LAMC3: variants seen among roughly 807,000 people sequenced by gnomAD.
The protein encoded by LAMC3 is laminin subunit gamma-3.
A neutral mutation model predicts 173.8 loss-of-function variants in LAMC3; 128 were observed. The observed-to-expected ratio is 0.74, with a 90% CI of 0.64 to 0.85. The LOEUF is 0.85. Among genes scored for constraint, LAMC3 ranks in the 40% least tolerant of loss-of-function variants. LAMC3 has a pLI of 0.00. For missense variants in LAMC3, 2,022 were observed against 2,156.0 expected (o/e 0.94, Z 1.23); for synonymous variants, 897 against 909.1 (o/e 0.99, Z 0.24).
chr9:131,032,969 C>T (rs1388622398), intron 3 of LAMC3, among the ~76,000 whole-genome samples: 1 of 152,224 alleles, frequency 6.6e-6, no homozygotes, highest in African/African-American at 2.4e-5. Flanking sequence ...CCCCCTTCCC[C>T]TTTCTAGTAT....
intron 12 of LAMC3, among the ~76,000 whole-genome samples, chr9:131,057,721 TC>T: frequency 6.6e-6 from 1 of 152,332 alleles, no homozygotes; most frequent in East Asian, 1.9e-4. Flanking sequence ...TGCTTCTGTT[TC>T]TACACAAAGC....
chr9:131,028,493 C>T (rs1471760514), intron 2 of LAMC3, among the ~76,000 whole-genome samples: 2 of 152,320 alleles, frequency 1.3e-5, no homozygotes, highest in East Asian at 3.9e-4. Context: ...AAAGAAGTTG[C>T]GTTCTGTCAG....
intron 25 of LAMC3, chr9:131,085,997 G>T: frequency 1.9e-6 from 1 of 529,430 alleles, no homozygotes; most frequent in Non-Finnish European, 3.4e-6. Context: ...TGGCTTTCCT[G>T]CCTAAACTTC....
chr9:131,076,817 G>A (rs1001274640), intron 21 of LAMC3, among the ~76,000 whole-genome samples: 3 of 152,188 alleles, frequency 2.0e-5, no homozygotes, highest in Non-Finnish European at 4.4e-5. Context: ...GGCCGAGCCA[G>A]GACCAGGACC....
intron 15 of LAMC3, 70 bp downstream of exon 15, chr9:131,068,301 A>G: frequency 6.6e-7 from 1 of 1,514,244 alleles, no homozygotes; most frequent in Non-Finnish European, 9.0e-7. Flanking sequence ...GGCAGCCCCC[A>G]GGGAGGGGCC....
Position 131,031,002 on chromosome 9 carries a change from A to G in LAMC3, c.679-1043A>G, listed in dbSNP as rs143803049. On this transcript the variant is annotated intron_variant, in intron 2 of 27. Transcript: ENST00000361069. ...CTCAAGCACAAGCTTAGCTTGGTGC[A>G]GAGGCTCCCACTTTAGTGTTTGGGT... 4.3e-4 allele frequency among the ~76,000 whole-genome samples: 65 copies of G among 152,362 alleles called. 1 individual carries two copies. Among genetic ancestry groups the G allele is most frequent in the African/African-American group, 1.5e-3 (61 of 41,594 alleles).
Position 131,092,065 on chromosome 9 carries a change from G to A in LAMC3, c.*278G>A, listed in dbSNP as rs551479114. On this transcript the variant is annotated 3_prime_UTR_variant, in exon 28 of 28. Transcript: ENST00000361069. ...ACCCCAGTGTCAATAACATACACACGTGAGGGTGCATGTCTGTGTGTATGA... is the reference window on the plus strand; with the variant it reads ...ACCCCAGTGTCAATAACATACACACATGAGGGTGCATGTCTGTGTGTATGA... The A allele has an allele frequency of 5.8e-6, 3 of 521,606 alleles. No individual in the cohort carries two copies. Among genetic ancestry groups the A allele is most frequent in the South Asian group, 4.1e-5 (2 of 49,174 alleles). The allele number at this position is 521,606 out of a possible 1,614,324, so 32.3% of individuals were successfully genotyped here.
At chr9:131,059,303 T>C (rs1829759009) in intron 12 of LAMC3, among the ~76,000 whole-genome samples, 1 of 150,974 alleles carries the variant, frequency 6.6e-6, no homozygotes, top group Non-Finnish European at 1.5e-5. Flanking sequence ...CCATCCTGGC[T>C]AACACGGTGA....
intron 4 of LAMC3, among the ~76,000 whole-genome samples, chr9:131,037,004 G>A: frequency 6.6e-6 from 1 of 152,252 alleles, no homozygotes; most frequent in Non-Finnish European, 1.5e-5. Context: ...AGGCTCGCTG[G>A]GCGGGCAGCT....
Position 131,087,773 on chromosome 9 carries a change from T to C in LAMC3, c.4433T>C (p.Leu1478Pro). The C allele has an allele frequency of 1.9e-6, 3 of 1,614,130 alleles. No homozygotes were observed. The highest frequency in any genetic ancestry group is 2.5e-6 in the Non-Finnish European group (3 of 1,180,030). The change falls in exon 27 of 28, where the codon CTG becomes CCG. Residue 1478 changes from leucine (L) to proline (P), a missense_variant. Leu to Pro is a moderately conservative substitution (Grantham distance 98). Transcript: ENST00000361069. The stretch of plus-strand genomic sequence containing the variant: ...CAGATCCGGGAATCGCGTATCTCAC[T>C]GGAGAAGGACATCGAGACCTTGTCA... ...EQQIRESRIS[L>P]EKDIETLSEL...
chr9:131,057,933 C>T (rs1481703679), intron 12 of LAMC3, among the ~76,000 whole-genome samples: 1 of 152,186 alleles, frequency 6.6e-6, no homozygotes, highest in Admixed American at 6.5e-5. Flanking sequence ...ATCATTGACT[C>T]CTGCAGACAT....
chr9:131,071,841 CTCAT>C (rs1204117160), intron 18 of LAMC3, among the ~76,000 whole-genome samples: 1 of 152,224 alleles, frequency 6.6e-6, no homozygotes, highest in Non-Finnish European at 1.5e-5. Flanking sequence ...TGGGGCTGGG[CTCAT>C]TCATTTATTC....
At chr9:131,032,646 C>T (rs1180881313) in intron 3 of LAMC3, among the ~76,000 whole-genome samples, 2 of 149,470 alleles carry the variant, frequency 1.3e-5, no homozygotes, top group African/African-American at 5.0e-5. Context: ...CTCTCTCGCT[C>T]TCACTCACTC....
intron 1 of LAMC3, among the ~76,000 whole-genome samples, chr9:131,017,278 A>G (rs993604216): frequency 2.6e-5 from 4 of 152,216 alleles, no homozygotes; most frequent in African/African-American, 9.6e-5. Context: ...TGGCAGCTAG[A>G]AGCGTGATCG....
At chr9:131,057,534 A>C (rs564125128) in intron 12 of LAMC3, among the ~76,000 whole-genome samples, 2 of 152,326 alleles carry the variant, frequency 1.3e-5, no homozygotes, top group East Asian at 3.9e-4. Flanking sequence ...AGGCACCAGC[A>C]TGGCAGGTGA....
At chr9:131,017,120 G>A (rs1833534696) in intron 1 of LAMC3, among the ~76,000 whole-genome samples, 1 of 152,194 alleles carries the variant, frequency 6.6e-6, no homozygotes, top group South Asian at 2.1e-4. Context: ...TTCGGGCCTT[G>A]GAACGAGGTG....
chr9:131,074,938 T>C (rs1303862580), intron 20 of LAMC3, among the ~76,000 whole-genome samples: 6 of 151,912 alleles, frequency 3.9e-5, no homozygotes, highest in Non-Finnish European at 8.8e-5. Flanking sequence ...GTACAATTTA[T>C]TGTCCAAACT....
At chr9:131,045,877 C>A (rs912974236) in intron 8 of LAMC3, among the ~76,000 whole-genome samples, 4 of 152,196 alleles carry the variant, frequency 2.6e-5, no homozygotes. Context: ...CTCTTTATAC[C>A]CGTGGTGGGG....
chr9:131,071,528 C>G lies in LAMC3; in HGVS notation c.3114C>G (p.Leu1038=), dbSNP rs10901345. 623,316 of 1,611,668 alleles carry G rather than the reference C, an allele frequency of 0.39. 124,250 individuals carry two copies. Among genetic ancestry groups the G allele is most frequent in the Middle Eastern group, 0.45 (2,736 of 6,050 alleles). ...KARLTLTEGW[L]QGSDCGSPWG... Reference sequence around the variant, plus strand: ...GACTGACTTTGACGGAGGGGTGGCTCCAAGGGTCCGACTGTGGCAGTCCCT... The same window carrying G: ...GACTGACTTTGACGGAGGGGTGGCTGCAAGGGTCCGACTGTGGCAGTCCCT... The change falls in exon 18 of 28, where the codon CTC becomes CTG. Residue 1038 remains leucine (L), a synonymous_variant. Transcript: ENST00000361069.
Sources: gnomAD v4.1 joint callset for allele counts (sites outside exome capture counted in the v4.1 genomes callset) on GRCh38, gnomAD v4.1.1 for gene constraint, MANE v1.5 for transcripts, NCBI Gene and HGNC (gene_info 2026-07-23, HGNC 2026-07-21) for gene names.